Variants in CNTNAP5 observed in about 807,000 individuals in gnomAD.
The protein encoded by CNTNAP5 is contactin-associated protein-like 5.
Under a neutral mutation model 150.2 loss-of-function variants are expected in CNTNAP5, and 72 were observed. The observed-to-expected ratio is 0.48, with a 90% CI of 0.40 to 0.58. CNTNAP5 has a LOEUF of 0.58. Ranked by LOEUF, CNTNAP5 falls within the 20% of genes least tolerant of loss-of-function variation. CNTNAP5 has a pLI of 0.00. For missense variants in CNTNAP5, 1,636 were observed against 1,626.2 expected (o/e 1.01, Z -0.10); for synonymous variants, 672 against 619.8 (o/e 1.08, Z -1.25).
At chr2:124,277,926 T>A (rs1216141442) in intron 3 of CNTNAP5, among the ~76,000 whole-genome samples, 1 of 152,142 alleles carries the variant, frequency 6.6e-6, no homozygotes, top group Non-Finnish European at 1.5e-5. Flanking sequence ...ATTCCATAAC[T>A]GCCCTTGTTA....
intron 1 of CNTNAP5, among the ~76,000 whole-genome samples, chr2:124,078,776 G>C (rs1682494509): frequency 6.6e-6 from 1 of 152,158 alleles, no homozygotes; most frequent in Non-Finnish European, 1.5e-5. Flanking sequence ...TTGTGAGATT[G>C]TCCCAGGAAG....
chr2:124,915,217 CATATATATAT>C lies in CNTNAP5; in HGVS notation c.*933_*942del, dbSNP rs112448547. ...ATATACACACACACACACACACACA[CATATATATAT>C]ATACACACACGCACACATATATGTT... On this transcript the variant is annotated 3_prime_UTR_variant, in exon 24 of 24. Coordinates refer to ENST00000682447, the MANE Select transcript of CNTNAP5 (RefSeq NM_001367498.1). The C allele has an allele frequency of 6.2e-6, 1 of 162,388 alleles. No homozygotes were observed. The highest frequency in any genetic ancestry group is 1.5e-5 in the Non-Finnish European group (1 of 67,000). 10.1% of individuals were successfully genotyped at this position (162,388 alleles called of 1,614,324 possible).
At chr2:124,115,898 C>A (rs1293893693) in intron 1 of CNTNAP5, among the ~76,000 whole-genome samples, 2 of 151,742 alleles carry the variant, frequency 1.3e-5, no homozygotes, top group African/African-American at 4.8e-5. Flanking sequence ...CTGCCTCAGT[C>A]TCTCAAGGTG....
chr2:124,622,819 T>A (rs1677646474), intron 12 of CNTNAP5, among the ~76,000 whole-genome samples: 1 of 152,164 alleles, frequency 6.6e-6, no homozygotes, highest in Admixed American at 6.5e-5. Context: ...GTTTGCTTTT[T>A]TATCACAAGT....
chr2:124,221,571 AC>A, intron 1 of CNTNAP5, 133 bp from the exon 2 acceptor site: 1 of 611,808 alleles, frequency 1.6e-6, no homozygotes, highest in East Asian at 2.9e-5. Flanking sequence ...ACACATGGAA[AC>A]CGGGAGTACC....
chr2:124,354,236 C>T (rs1187457936), intron 3 of CNTNAP5, among the ~76,000 whole-genome samples: 2 of 152,104 alleles, frequency 1.3e-5, no homozygotes, highest in African/African-American at 2.4e-5. Flanking sequence ...AATAACACTG[C>T]GGATGTTTTT....
intron 1 of CNTNAP5, among the ~76,000 whole-genome samples, chr2:124,186,006 A>G (rs2104687180): frequency 6.6e-6 from 1 of 152,354 alleles, no homozygotes; most frequent in African/African-American, 2.4e-5. Flanking sequence ...TACGTTTACT[A>G]TGTATTGTAT....
chr2:124,552,140 T>C (rs1328599530), intron 10 of CNTNAP5, among the ~76,000 whole-genome samples: 2 of 152,176 alleles, frequency 1.3e-5, no homozygotes, highest in Non-Finnish European at 1.5e-5. Context: ...GAGGAGTGTG[T>C]TATCAGATGA....
chr2:124,916,649 C>T lies in CNTNAP5; in HGVS notation c.*2361C>T, dbSNP rs1184930104. Among the ~76,000 whole-genome samples, 1 of 152,014 alleles carries T rather than the reference C, an allele frequency of 6.6e-6. No homozygotes were observed. Among genetic ancestry groups the T allele is most frequent in the African/African-American group, 2.4e-5 (1 of 41,428 alleles). ...GCTAACTCAGAGTATTTGATTTTCTCATCTAAGTATATATGCTTGTAGATT... is the reference window on the plus strand; with the variant it reads ...GCTAACTCAGAGTATTTGATTTTCTTATCTAAGTATATATGCTTGTAGATT... On this transcript the variant is annotated 3_prime_UTR_variant, in exon 24 of 24. Coordinates refer to ENST00000682447, the MANE Select transcript of CNTNAP5 (RefSeq NM_001367498.1).
intron 11 of CNTNAP5, among the ~76,000 whole-genome samples, chr2:124,573,466 C>A (rs1265967627): frequency 1.3e-5 from 2 of 152,180 alleles, no homozygotes; most frequent in African/African-American, 4.8e-5. Context: ...GAAATGTAAT[C>A]ACAAGTTTTA....
At chr2:124,445,542 C>T (rs1053034824) in intron 5 of CNTNAP5, among the ~76,000 whole-genome samples, 12 of 152,206 alleles carry the variant, frequency 7.9e-5, no homozygotes, top group African/African-American at 2.9e-4. Flanking sequence ...ATTAATTCAT[C>T]AGCTCTACTT....
chr2:124,084,904 A>G (rs1034237366), intron 1 of CNTNAP5, among the ~76,000 whole-genome samples: 1 of 145,382 alleles, frequency 6.9e-6, no homozygotes, highest in Non-Finnish European at 1.5e-5. Flanking sequence ...TGTTTTAAAA[A>G]TTATGAATTC....
intron 1 of CNTNAP5, among the ~76,000 whole-genome samples, chr2:124,166,752 T>C (rs530125127): frequency 6.6e-6 from 1 of 152,288 alleles, no homozygotes; most frequent in Admixed American, 6.5e-5. Flanking sequence ...GGCTTTATGA[T>C]TAGAACATTT....
chr2:124,080,417 A>G (rs1682533456), intron 1 of CNTNAP5, among the ~76,000 whole-genome samples: 1 of 152,248 alleles, frequency 6.6e-6, no homozygotes, highest in Admixed American at 6.5e-5. Flanking sequence ...AAACTAAGAC[A>G]GGATTATTAT....
chr2:124,881,184 T>C (rs998844525), intron 21 of CNTNAP5, among the ~76,000 whole-genome samples: 9 of 152,098 alleles, frequency 5.9e-5, no homozygotes, highest in Non-Finnish European at 1.2e-4. Flanking sequence ...AGAGCTGCTG[T>C]TATCAGACTC....
intron 1 of CNTNAP5, among the ~76,000 whole-genome samples, chr2:124,057,097 G>A (rs1288929953): frequency 1.3e-5 from 2 of 151,952 alleles, no homozygotes; most frequent in South Asian, 2.1e-4. Context: ...TAAACCAACC[G>A]ACATCACAAT....
At chr2:124,691,164 C>CT (rs1679292981) in intron 13 of CNTNAP5, among the ~76,000 whole-genome samples, 1 of 152,110 alleles carries the variant, frequency 6.6e-6, no homozygotes, top group Non-Finnish European at 1.5e-5. Context: ...AAAAGCCTGT[C>CT]TGTTGGCTTT....
intron 3 of CNTNAP5, among the ~76,000 whole-genome samples, chr2:124,357,503 C>T (rs1487065727): frequency 2.0e-5 from 3 of 151,962 alleles, no homozygotes; most frequent in Non-Finnish European, 4.4e-5. Context: ...CGGAAGGGAT[C>T]CAGTTTCAGC....
intron 12 of CNTNAP5, among the ~76,000 whole-genome samples, chr2:124,621,257 A>G (rs1677608789): frequency 6.6e-6 from 1 of 152,232 alleles, no homozygotes. Flanking sequence ...TCACTAGCAA[A>G]AACACATTTA....
Sources: gnomAD v4.1 joint callset for allele counts (sites outside exome capture counted in the v4.1 genomes callset) on GRCh38, gnomAD v4.1.1 for gene constraint, MANE v1.5 for transcripts, NCBI Gene and HGNC (gene_info 2026-07-23, HGNC 2026-07-21) for gene names.